Variants in SLC4A1 observed in about 807,000 individuals in gnomAD.
SLC4A1 encodes solute carrier family 4 member 1 (Diego blood group), also known as band 3 anion transport protein.
Under a neutral mutation model 93.1 loss-of-function variants are expected in SLC4A1, and 29 were observed. The ratio of observed to expected loss-of-function variants is 0.31; its 90% confidence interval spans 0.23 to 0.42. The LOEUF is 0.42. SLC4A1 is among the 20% of genes least tolerant of loss of function. SLC4A1 has a pLI of 1.00. For missense variants in SLC4A1, 965 were observed against 1,190.1 expected, an observed-to-expected ratio of 0.81 and a Z score of 2.78; for synonymous variants, 469 against 497.2, an observed-to-expected ratio of 0.94 and a Z score of 0.76.
intron 11 of SLC4A1, 40 bp from the exon 12 acceptor site, chr17:44,257,847 C>T (rs1429906690): frequency 6.2e-7 from 1 of 1,612,554 alleles, no homozygotes; most frequent in East Asian, 2.2e-5. Context: ...GTCAGGAGAT[C>T]ATTTCCAGGA....
At chr17:44,263,121 C>T (rs1598303518) in intron 1 of SLC4A1, among the ~76,000 whole-genome samples, 187 bp from the exon 2 acceptor site, 2 of 151,964 alleles carry the variant, frequency 1.3e-5, no homozygotes, top group East Asian at 3.9e-4. Context: ...TGAGCAGGGG[C>T]TGGGAGAGAG....
At chr17:44,263,712 TCCTTCC>T (rs1567836990) in intron 1 of SLC4A1, among the ~76,000 whole-genome samples, 1 of 5,360 alleles carries the variant, frequency 1.9e-4, no homozygotes, top group African/African-American at 3.0e-4. Context: ...CTTCCCTCCT[TCCTTCC>T]TTCCTTCCTT....
rs1249061185 is a variant in SLC4A1, at chr17:44,258,451, C to T, written c.1049G>A (p.Ser350Asn). The T allele has an allele frequency of 1.2e-6, 2 of 1,613,984 alleles. No individual in the cohort carries two copies. Among genetic ancestry groups the T allele is most frequent in the South Asian group, 1.1e-5 (1 of 91,074 alleles). Residue 350 changes from serine (S) to asparagine (N), a missense_variant, in exon 10 of 20, where the codon AGC (serine) becomes AAC (asparagine). By Grantham distance (46) the Ser-to-Asn change is conservative. Transcript: ENST00000262418. The surrounding 1 kb of genome is among the most constrained non-coding windows in gnomAD (Gnocchi z 6.1). The stretch of plus-strand genomic sequence containing the variant: ...GAAGCTGGAGTCTGGCTTGGCAGGG[C>T]TGGACTGATAGCGCCTTCGAAGTAG... ...RELLRRRYQS[S>N]PAKPDSSFYK...
intron 16 of SLC4A1, 26 bp downstream of exon 16, chr17:44,254,470 G>A (rs1240452585): frequency 2.4e-5 from 17 of 700,660 alleles, no homozygotes; most frequent in Middle Eastern, 2.7e-4. Context: ...CACCCTCCCA[G>A]GCCCAGCCCC....
rs1469763099 is a variant in SLC4A1 at position 44,259,359 on chromosome 17, G to A, written c.695-15C>T. On this transcript the variant is annotated splice_polypyrimidine_tract_variant and intron_variant, in intron 8 of 19. Coordinates refer to ENST00000262418, the MANE Select transcript of SLC4A1 (RefSeq NM_000342.4). ...GTCGGCGCGGCCTGTTAGGGGATGA[G>A]AAGATCAGGCCAGGCCGAGGAGCCC... 6.2e-7 allele frequency: 1 copy of A among 1,613,098 alleles called. No homozygotes were observed. The highest frequency in any genetic ancestry group is 8.5e-7 in the Non-Finnish European group (1 of 1,179,656).
At chr17:44,266,145 G>A (rs943283557) in intron 1 of SLC4A1, among the ~76,000 whole-genome samples, 2 of 152,126 alleles carry the variant, frequency 1.3e-5, no homozygotes, top group Non-Finnish European at 2.9e-5. Flanking sequence ...GGGTGCGGGG[G>A]AGGGGTCCTG....
Position 44,257,372 on chromosome 17 carries a change from T to C in SLC4A1, c.1604A>G (p.Glu535Gly). The C allele has an allele frequency of 6.2e-7, 1 of 1,613,864 alleles. No homozygotes were observed. The highest frequency in any genetic ancestry group is 8.5e-7 in the Non-Finnish European group (1 of 1,179,978). Reference protein sequence around the residue: ...SFLISLIFIYETFSKLIKIFQ... With the variant: ...SFLISLIFIYGTFSKLIKIFQ... ...CACCTTGATCAGCTTGGAGAAAGTCTCATAGATGAAGATGAGGGAAATGAG... is the reference window on the plus strand; with the variant it reads ...CACCTTGATCAGCTTGGAGAAAGTCCCATAGATGAAGATGAGGGAAATGAG... Residue 535 changes from glutamate to glycine, a missense_variant, in exon 13 of 20, where the codon GAG (glutamate) becomes GGG (glycine). Glu to Gly is a moderately conservative substitution (Grantham distance 98, BLOSUM62 -2). Coordinates refer to ENST00000262418, the MANE Select transcript of SLC4A1 (RefSeq NM_000342.4).
At chr17:44,266,371 G>C (rs988472062) in intron 1 of SLC4A1, among the ~76,000 whole-genome samples, 3 of 152,142 alleles carry the variant, frequency 2.0e-5, no homozygotes, top group African/African-American at 7.2e-5. Flanking sequence ...TAAGCCTTAG[G>C]TACTAAAAGT....
intron 6 of SLC4A1, 132 bp from the exon 7 acceptor site, chr17:44,260,064 A>G: frequency 8.8e-7 from 1 of 1,138,576 alleles, no homozygotes. Context: ...TTCCCAGACC[A>G]GACCAGAGAG....
rs754107200 is a variant in SLC4A1 at position 44,251,518 on chromosome 17, G to A, written c.2382C>T (p.Tyr794=). 2 of 1,614,168 alleles carry A rather than the reference G, an allele frequency of 1.2e-6. No homozygotes were observed. Among genetic ancestry groups the A allele is most frequent in the South Asian group, 1.1e-5 (1 of 91,084 alleles). The change falls in exon 18 of 20, where the codon TAC becomes TAT. Residue 794 remains tyrosine, a synonymous_variant. Coordinates refer to ENST00000262418, the MANE Select transcript of SLC4A1 (RefSeq NM_000342.4). ...PLAVLFGIFL[Y]MGVTSLSGIQ... Reference sequence around the variant, plus strand: ...TGCCGCTGAGCGACGTGACCCCCATGTAGAGGAAGATGCCAAACAGTACAG... The same window carrying A: ...TGCCGCTGAGCGACGTGACCCCCATATAGAGGAAGATGCCAAACAGTACAG...
Position 44,259,186 on chromosome 17 carries a change from C to A in SLC4A1, c.853G>T (p.Ala285Ser), listed in dbSNP as rs778684107. ...HIDYTQLGRAAATLMSERVFR... is the reference protein window; with the variant it reads ...HIDYTQLGRASATLMSERVFR... ...ACCCTCTCTGACATGAGGGTGGCAG[C>A]AGCCCGGCCAAGCTGGGTGTAATCG... Residue 285 changes from alanine (A) to serine (S), a missense_variant, in exon 9 of 20, where the codon GCT becomes TCT. Around this residue, in one of 2 missense-constraint regions of SLC4A1, gnomAD observed 770 missense variants for 1,006.6 expected, o/e 0.76. Coordinates refer to ENST00000262418, the MANE Select transcript of SLC4A1 (RefSeq NM_000342.4). 4.3e-6 allele frequency: 7 copies of A among 1,614,022 alleles called. No individual in the cohort carries two copies. The highest frequency in any genetic ancestry group is 5.9e-6 in the Non-Finnish European group (7 of 1,180,036).
At chr17:44,264,737 C>T (rs976123889) in intron 1 of SLC4A1, among the ~76,000 whole-genome samples, 5 of 152,086 alleles carry the variant, frequency 3.3e-5, no homozygotes, top group South Asian at 4.1e-4. Context: ...CCTCTGAGCT[C>T]GGGGTCTCAG....
At chr17:44,263,358 A>G (rs1413983876) in intron 1 of SLC4A1, among the ~76,000 whole-genome samples, 1 of 152,178 alleles carries the variant, frequency 6.6e-6, no homozygotes, top group Admixed American at 6.5e-5. Context: ...TTCTCTCAGA[A>G]ATAGCTGCTG....
At position 44,249,344 on chromosome 17, in the gene SLC4A1, G is replaced by T. The variant is rs2047319586; in HGVS notation, c.*1114C>A. ...GTTCTCCCCAAGATTCAGTTTAGAT[G>T]GAGTTGAGGATAATGGCTCTCAAAT... On this transcript the variant is annotated 3_prime_UTR_variant, in exon 20 of 20. Transcript: ENST00000262418. 3 of 327,878 alleles carry T rather than the reference G, an allele frequency of 9.1e-6. No individual in the cohort carries two copies. The highest frequency in any genetic ancestry group is 4.2e-4 in the Middle Eastern group (1 of 2,408). 20.3% of individuals were successfully genotyped at this position (327,878 alleles called of 1,614,324 possible).
At position 44,260,406 on chromosome 17, in the gene SLC4A1, G is replaced by A; in HGVS notation, c.483C>T (p.His161=). The A allele has an allele frequency of 1.2e-6, 2 of 1,611,918 alleles. No individual in the cohort carries two copies. The highest frequency in any genetic ancestry group is 1.1e-5 in the South Asian group (1 of 90,548). The change falls in exon 6 of 20, where the codon CAC becomes CAT. Residue 161 remains histidine, a splice_region_variant and synonymous_variant. Coordinates refer to ENST00000262418, the MANE Select transcript of SLC4A1 (RefSeq NM_000342.4). ...EELLRALLLK[H]SHAGELEALG... The stretch of plus-strand genomic sequence containing the variant: ...CAGGCCCTGGCAGGCAGGGGCACCT[G>A]TGTTTAAGCAGCAGGGCCCGGAGCA...
intron 16 of SLC4A1, among the ~76,000 whole-genome samples, chr17:44,253,970 CTTTTT>C (rs55705332): frequency 1.1e-5 from 1 of 87,052 alleles, no homozygotes; most frequent in Admixed American, 1.4e-4. Flanking sequence ...TCACCTGGCG[CTTTTT>C]TTTTTTTTTT....
rs1047987691 is a variant in SLC4A1, at chr17:44,249,043, G to A, written c.*1415C>T. ...CACCCAGCTAATTTTTGTATTTTTA[G>A]TAGTAACGGGGTTTCACCATGTTGG... On this transcript the variant is annotated 3_prime_UTR_variant, in exon 20 of 20. Coordinates refer to ENST00000262418, the MANE Select transcript of SLC4A1 (RefSeq NM_000342.4). 5.6e-6 allele frequency: 2 copies of A among 354,340 alleles called. No homozygotes were observed. Among genetic ancestry groups the A allele is most frequent in the African/African-American group, 4.4e-5 (2 of 45,272 alleles). The allele number at this position is 354,340 out of a possible 1,614,324, so 21.9% of individuals were successfully genotyped here.
At chr17:44,255,077 C>T in intron 15 of SLC4A1, 130 bp downstream of exon 15, 2 of 718,556 alleles carry the variant, frequency 2.8e-6, no homozygotes, top group Middle Eastern at 2.4e-4. Context: ...CCAGAGGAGG[C>T]AGGGATGGGG....
In SLC4A1 at chr17:44,251,231, G is replaced by A. The variant is rs1253775213; in HGVS notation, c.2583C>T (p.Phe861=). 6.2e-6 allele frequency: 10 copies of A among 1,614,034 alleles called. No homozygotes were observed. The highest frequency in any genetic ancestry group is 1.7e-5 in the Admixed American group (1 of 59,986). The change falls in exon 19 of 20, where the codon TTC becomes TTT. Residue 861 remains phenylalanine, a synonymous_variant. Transcript: ENST00000262418. ...KSTPASLALP[F]VLILTVPLRR... ...GCAGCGGCACAGTGAGGATGAGGAC[G>A]AAGGGCAGGGCCAGGGAGGCCGGCG...
Sources: allele counts gnomAD v4.1 joint callset (sites outside exome capture counted in the v4.1 genomes callset), GRCh38; gene constraint gnomAD v4.1.1; regional missense constraint gnomAD v4.1.1; non-coding constraint Gnocchi (gnomAD v3.1); transcripts MANE v1.5; gene names NCBI Gene and HGNC (gene_info 2026-07-23, HGNC 2026-07-21).